Variants in IL12RB2 observed in about 807,000 individuals in gnomAD.
IL12RB2 encodes interleukin 12 receptor subunit beta 2.
Under a neutral mutation model 89.4 loss-of-function variants are expected in IL12RB2, and 82 were observed. The ratio of observed to expected loss-of-function variants is 0.92; its 90% CI spans 0.77 to 1.10. The LOEUF is 1.10. IL12RB2 is among the 50% of genes least tolerant of loss of function. The pLI is 0.00. For missense variants in IL12RB2, 963 were observed against 1,031.9 expected, an observed-to-expected ratio of 0.93 and a Z score of 0.92; for synonymous variants, 368 against 370.1, an observed-to-expected ratio of 0.99 and a Z score of 0.07.
intron 2 of IL12RB2, among the ~76,000 whole-genome samples, chr1:67,318,200 G>C (rs1232009357): frequency 6.6e-6 from 1 of 152,220 alleles, no homozygotes; most frequent in Non-Finnish European, 1.5e-5. Context: ...GGAGCAGAGT[G>C]AACCAGGCAA....
At chr1:67,308,815 T>A (rs533860955) in intron 1 of IL12RB2, among the ~76,000 whole-genome samples, 1 of 151,294 alleles carries the variant, frequency 6.6e-6, no homozygotes, top group African/African-American at 2.4e-5. Context: ...AGGTCAGGAG[T>A]TCAAGACCAG....
chr1:67,330,785 A>G lies in IL12RB2; in HGVS notation c.933A>G (p.Ser311=). The G allele has an allele frequency of 6.3e-7, 1 of 1,578,588 alleles. No individual in the cohort carries two copies. The highest frequency in any genetic ancestry group is 1.1e-5 in the South Asian group (1 of 90,358). The part of the protein sequence containing the change: ...YKGSWSDWSE[S]LRAQTPEEEP... ...GAAGTTGGAGTGATTGGAGTGAATC[A>G]TTGAGAGCACAAACACCAGAAGAAG... Residue 311 remains serine, a synonymous_variant, in exon 8 of 17, where the codon TCA becomes TCG. Coordinates refer to ENST00000674203, the MANE Select transcript of IL12RB2 (RefSeq NM_001374259.2).
At chr1:67,338,138 G>A (rs902349577) in intron 8 of IL12RB2, among the ~76,000 whole-genome samples, 3 of 150,966 alleles carry the variant, frequency 2.0e-5, no homozygotes, top group Non-Finnish European at 3.0e-5. Flanking sequence ...AGACCAGCCG[G>A]GGCAACATGA....
At chr1:67,389,753 T>C (rs1195162252) in intron 15 of IL12RB2, among the ~76,000 whole-genome samples, 3 of 152,212 alleles carry the variant, frequency 2.0e-5, no homozygotes, top group Non-Finnish European at 4.4e-5. Context: ...TCAATCAATA[T>C]TTGTTGAATG....
chr1:67,319,631 A>G (rs965445071), intron 2 of IL12RB2, among the ~76,000 whole-genome samples: 1 of 152,188 alleles, frequency 6.6e-6, no homozygotes, highest in Non-Finnish European at 1.5e-5. Flanking sequence ...GAAAAGAAAA[A>G]GAAAAGTGTT....
intron 10 of IL12RB2, among the ~76,000 whole-genome samples, chr1:67,358,267 A>C (rs1048677387): frequency 1.3e-5 from 2 of 152,236 alleles, no homozygotes; most frequent in Non-Finnish European, 2.9e-5. Flanking sequence ...CTCCAGCTAA[A>C]CTATCATTTA....
At chr1:67,325,295 C>G (rs1041531463) in intron 4 of IL12RB2, among the ~76,000 whole-genome samples, 1 of 152,206 alleles carries the variant, frequency 6.6e-6, no homozygotes, top group Non-Finnish European at 1.5e-5. Context: ...CAAAGTCTCA[C>G]TCTGTCACCC....
Position 67,350,854 on chromosome 1 carries a change from A to G in IL12RB2, c.1039-16A>G. ...TTGTCTGGGAGTAAATAGTGAATAA[A>G]TGTGTCTTGTTGCAGAATCTGAGTG... is the stretch of plus-strand genomic sequence containing the variant. On this transcript the variant is annotated splice_polypyrimidine_tract_variant and intron_variant, in intron 9 of 16. Transcript: ENST00000674203. 6.2e-7 allele frequency: 1 copy of G among 1,613,762 alleles called. No homozygotes were observed. Among genetic ancestry groups the G allele is most frequent in the Non-Finnish European group, 8.5e-7 (1 of 1,179,850 alleles).
At chr1:67,312,542 C>T (rs1348831514) in intron 1 of IL12RB2, among the ~76,000 whole-genome samples, 1 of 151,350 alleles carries the variant, frequency 6.6e-6, no homozygotes, top group Non-Finnish European at 1.5e-5. Context: ...TTTGTTTACG[C>T]ACAACATTTC....
intron 11 of IL12RB2, among the ~76,000 whole-genome samples, chr1:67,370,991 G>A (rs72678546): frequency 0.011 from 1,715 of 152,294 alleles, 18 homozygotes; most frequent in Non-Finnish European, 0.019. Flanking sequence ...TCTGCCTAAC[G>A]AGCTCATCTG....
chr1:67,327,533 A>G (rs1457977300), intron 5 of IL12RB2, among the ~76,000 whole-genome samples: 9 of 152,142 alleles, frequency 5.9e-5, no homozygotes, highest in Admixed American at 5.2e-4. Context: ...CATGATACAT[A>G]AATAAACTCT....
In IL12RB2 at chr1:67,311,023, AG is replaced by A. The variant is rs145556237; in HGVS notation, c.-124-2889del. Among the ~76,000 whole-genome samples, 1,140 of 152,254 alleles carry A rather than the reference AG, an allele frequency of 7.5e-3. 22 individuals are homozygous for A. Among genetic ancestry groups the A allele is most frequent in the African/African-American group, 0.026 (1,097 of 41,546 alleles). On this transcript the variant is annotated intron_variant, in intron 1 of 16. Coordinates refer to ENST00000674203, the MANE Select transcript of IL12RB2 (RefSeq NM_001374259.2). ...CAGGTGTGAGTCACCACGTCCGTCC[AG>A]TAGGTGCTGTTTGTATTCCCTTTTT... is the stretch of plus-strand genomic sequence containing the variant.
chr1:67,310,478 G>A (rs1055958786), intron 1 of IL12RB2, among the ~76,000 whole-genome samples: 11 of 152,134 alleles, frequency 7.2e-5, no homozygotes, highest in Admixed American at 2.6e-4. Context: ...AAGTTAGGAG[G>A]TATGGAATCT....
chr1:67,388,556 G>C (rs758532434), intron 15 of IL12RB2, among the ~76,000 whole-genome samples: 1 of 152,112 alleles, frequency 6.6e-6, no homozygotes, highest in Non-Finnish European at 1.5e-5. Flanking sequence ...ATGTTGGCCA[G>C]GCTGGTCTCA....
intron 7 of IL12RB2, 40 bp from the exon 8 acceptor site, chr1:67,330,620 C>A: frequency 1.1e-6 from 1 of 917,496 alleles, no homozygotes. Flanking sequence ...AATTAGCAAT[C>A]TAGTATTAAT....
In IL12RB2 at chr1:67,313,210, G is replaced by A. The variant is rs183157956; in HGVS notation, c.-124-703G>A. On this transcript the variant is annotated intron_variant, in intron 1 of 16. Coordinates refer to ENST00000674203, the MANE Select transcript of IL12RB2 (RefSeq NM_001374259.2). ...ATTATCCTTTTCCATCACCATAGTG[G>A]AATAGCATCAGATACGGTTACATAT... Among the ~76,000 whole-genome samples the A allele has an allele frequency of 3.4e-5, 5 of 147,374 alleles. No individual in the cohort carries two copies. The East Asian group carries it at 7.7e-4, about 23-fold the overall frequency.
At chr1:67,327,847 A>T (rs1302069183) in intron 5 of IL12RB2, among the ~76,000 whole-genome samples, 1 of 152,180 alleles carries the variant, frequency 6.6e-6, no homozygotes, top group African/African-American at 2.4e-5. Flanking sequence ...AGGAACTGAC[A>T]ATTCTGTGCC....
intron 14 of IL12RB2, among the ~76,000 whole-genome samples, chr1:67,384,599 C>T (rs1570182308): frequency 6.6e-6 from 1 of 152,310 alleles, no homozygotes; most frequent in East Asian, 1.9e-4. Flanking sequence ...TGACTTTCTC[C>T]CCAGAAAATA....
intron 10 of IL12RB2, among the ~76,000 whole-genome samples, chr1:67,354,848 G>C (rs770312243): frequency 3.3e-5 from 5 of 152,146 alleles, no homozygotes; most frequent in Non-Finnish European, 4.4e-5. Flanking sequence ...CATTATTTAG[G>C]CTGATTTATG....
Sources: gnomAD v4.1 joint callset for allele counts (sites outside exome capture counted in the v4.1 genomes callset) on GRCh38, gnomAD v4.1.1 for gene constraint, MANE v1.5 for transcripts, NCBI Gene and HGNC (gene_info 2026-07-23, HGNC 2026-07-21) for gene names.